LRBA: variants seen among roughly 807,000 people sequenced by gnomAD.
LRBA encodes lipopolysaccharide-responsive and beige-like anchor protein.
In LRBA, 176 loss-of-function variants were observed where a neutral mutation model predicts 330.0. The observed-to-expected ratio is 0.53, with a 90% CI of 0.47 to 0.60. The LOEUF (loss-of-function observed/expected upper bound fraction) is 0.60. Among genes scored for constraint, LRBA ranks in the 20% least tolerant of loss-of-function variants. The pLI is 0.00. For synonymous variants in LRBA, 1,230 were observed against 1,193.0 expected, an observed-to-expected ratio of 1.03 and a Z score of -0.64; for missense variants, 3,259 against 3,444.8, an observed-to-expected ratio of 0.95 and a Z score of 1.35.
intron 36 of LRBA, among the ~76,000 whole-genome samples, chr4:150,713,547 T>G (rs372830437): frequency 2.0e-5 from 3 of 152,346 alleles, no homozygotes. Context: ...TTTTTGCCTA[T>G]GTAACTGTAA....
At chr4:150,805,612 A>AG (rs1341339817) in intron 33 of LRBA, among the ~76,000 whole-genome samples, 8 of 141,368 alleles carry the variant, frequency 5.7e-5, no homozygotes, top group East Asian at 2.1e-4. Context: ...AAAAGAAAGG[A>AG]AAGGAAAGGA....
intron 47 of LRBA, among the ~76,000 whole-genome samples, chr4:150,352,522 G>A (rs953888786): frequency 3.9e-5 from 6 of 152,102 alleles, no homozygotes. Flanking sequence ...GAAAGTTATT[G>A]TTTTAGACAT....
At chr4:150,266,284 T>C (rs141684998) in intron 56 of LRBA, among the ~76,000 whole-genome samples, 1 of 151,470 alleles carries the variant, frequency 6.6e-6, no homozygotes, top group African/African-American at 2.4e-5. Context: ...CAATGAAGAG[T>C]GAAAAAGAAG....
chr4:150,797,804 T>C (rs1560830151), intron 34 of LRBA, among the ~76,000 whole-genome samples: 1 of 152,068 alleles, frequency 6.6e-6, no homozygotes, highest in Non-Finnish European at 1.5e-5. Flanking sequence ...CCTTAATATA[T>C]ACAGCAAAGA....
intron 43 of LRBA, 144 bp downstream of exon 43, chr4:150,471,480 T>G: frequency 1.8e-6 from 1 of 562,684 alleles, no homozygotes; most frequent in Non-Finnish European, 3.1e-6. Flanking sequence ...GCAACATACC[T>G]TATTCTCTTT....
chr4:150,732,186 G>GT (rs1730541408), intron 36 of LRBA, among the ~76,000 whole-genome samples: 1 of 151,584 alleles, frequency 6.6e-6, no homozygotes, highest in Admixed American at 6.6e-5. Flanking sequence ...ACATTTCCTT[G>GT]TTTTTTCCAT....
intron 40 of LRBA, among the ~76,000 whole-genome samples, chr4:150,560,436 T>C (rs578085221): frequency 1.3e-5 from 2 of 152,280 alleles, no homozygotes; most frequent in East Asian, 3.9e-4. Flanking sequence ...TATTCTATCC[T>C]GTGATGTCCT....
At chr4:150,750,139 G>T (rs1002847586) in intron 35 of LRBA, among the ~76,000 whole-genome samples, 1 of 152,122 alleles carries the variant, frequency 6.6e-6, no homozygotes, top group East Asian at 1.9e-4. Flanking sequence ...CTAAAAGCCA[G>T]TATGTTTACT....
rs1344342751 is a variant in LRBA, at chr4:150,916,455, C to G, written c.840G>C (p.Lys280Asn). Reference protein sequence around the residue: ...VGGCLIVTSIKSKGKGFQHCV... With the variant: ...VGGCLIVTSINSKGKGFQHCV... ...AGTGTTGAAAGCCTTTTCCTTTTGA[C>G]TTTATTGATGTTACAATCAAACAGC... Residue 280 changes from lysine (K) to asparagine (N), a missense_variant, in exon 7 of 57, where the codon AAG becomes AAC. Coordinates refer to ENST00000651943, the MANE Select transcript of LRBA (RefSeq NM_001364905.1). 1.2e-6 allele frequency: 2 copies of G among 1,613,698 alleles called. No homozygotes were observed. Among genetic ancestry groups the G allele is most frequent in the Non-Finnish European group, 1.7e-6 (2 of 1,179,812 alleles).
Position 150,852,158 on chromosome 4 carries a change from T to A in LRBA, c.3552A>T (p.Ala1184=). The A allele has an allele frequency of 6.2e-7, 1 of 1,614,148 alleles. No homozygotes were observed. The highest frequency in any genetic ancestry group is 8.5e-7 in the Non-Finnish European group (1 of 1,179,964). The change falls in exon 23 of 57, where the codon GCA becomes GCT. Residue 1184 remains alanine (A), a synonymous_variant. Transcript: ENST00000651943. ...SKDSGIQTMT[A]SGSSAMSPET... ...CTGGTGACATAGCTGAAGACCCTGA[T>A]GCTGTCATAGTCTGAATTCCAGAAT...
chr4:150,480,833 G>A (rs1399042344), intron 42 of LRBA, among the ~76,000 whole-genome samples: 1 of 152,064 alleles, frequency 6.6e-6, no homozygotes, highest in Non-Finnish European at 1.5e-5. Context: ...TCATTTACTT[G>A]TGTTAGCAAC....
chr4:150,767,095 C>A (rs778293108), intron 34 of LRBA, among the ~76,000 whole-genome samples: 7 of 151,986 alleles, frequency 4.6e-5, no homozygotes, highest in Non-Finnish European at 1.0e-4. Context: ...TTAGTTAGGG[C>A]AACAAAAGAC....
At chr4:150,350,872 A>C (rs898968057) in intron 47 of LRBA, among the ~76,000 whole-genome samples, 4 of 152,200 alleles carry the variant, frequency 2.6e-5, no homozygotes, top group Non-Finnish European at 5.9e-5. Flanking sequence ...TCCACTTGAA[A>C]TATTTATTAT....
chr4:150,626,700 C>T (rs957036859), intron 37 of LRBA, among the ~76,000 whole-genome samples: 1 of 151,890 alleles, frequency 6.6e-6, no homozygotes, highest in Admixed American at 6.6e-5. Flanking sequence ...TTTAAAAAGC[C>T]ATTTTTAACA....
intron 37 of LRBA, among the ~76,000 whole-genome samples, chr4:150,603,514 G>A (rs1221175237): frequency 6.6e-6 from 1 of 152,048 alleles, no homozygotes; most frequent in Non-Finnish European, 1.5e-5. Context: ...TAAGATGGTA[G>A]AGTGTCACCC....
chr4:150,268,810 A>G (rs1488720818), intron 56 of LRBA, among the ~76,000 whole-genome samples: 5 of 152,230 alleles, frequency 3.3e-5, no homozygotes, highest in Non-Finnish European at 7.3e-5. Context: ...GATGAAAAAA[A>G]GTTTTTCCCC....
intron 33 of LRBA, among the ~76,000 whole-genome samples, chr4:150,801,603 G>A (rs1032728209): frequency 1.3e-5 from 2 of 152,208 alleles, no homozygotes; most frequent in East Asian, 3.9e-4. Context: ...CTTAGAAACT[G>A]TATCAAGTAA....
At chr4:150,503,738 C>T (rs530974437) in intron 40 of LRBA, among the ~76,000 whole-genome samples, 49 of 152,226 alleles carry the variant, frequency 3.2e-4, no homozygotes, top group African/African-American at 1.7e-4. Flanking sequence ...CAAAGCTGGA[C>T]GGAGAATGAC....
chr4:150,443,853 A>AAAAAAAAAAAATATATAT (rs70941406), intron 44 of LRBA, among the ~76,000 whole-genome samples: 1 of 75,470 alleles, frequency 1.3e-5, no homozygotes, highest in African/African-American at 3.9e-5. Flanking sequence ...TAATTAAAAA[A>AAAAAAAAAAAATATATAT]ATATATATAT....
Sources: allele counts gnomAD v4.1 joint callset (sites outside exome capture counted in the v4.1 genomes callset), GRCh38; gene constraint gnomAD v4.1.1; transcripts MANE v1.5; gene names NCBI Gene and HGNC (gene_info 2026-07-23, HGNC 2026-07-21).